The following LPP variants were observed in gnomAD, a reference collection of about 807,000 sequenced individuals.
LPP encodes lipoma-preferred partner.
LPP carries 38 observed loss-of-function variants against 60.4 expected under a neutral mutation model. The ratio of observed to expected loss-of-function variants is 0.63; its 90% CI spans 0.49 to 0.83. LPP has a LOEUF of 0.83. Among genes scored for constraint, LPP ranks in the 40% least tolerant of loss-of-function variants. The pLI is 0.00. For missense variants in LPP, 902 were observed against 783.6 expected, an observed-to-expected ratio of 1.15 and a Z score of -1.80; for synonymous variants, 328 against 290.8, an observed-to-expected ratio of 1.13 and a Z score of -1.30.
chr3:188,543,292 C>T (rs1197893848), intron 6 of LPP, among the ~76,000 whole-genome samples: 2 of 152,064 alleles, frequency 1.3e-5, no homozygotes, highest in Non-Finnish European at 2.9e-5. Flanking sequence ...CCTATTAGTG[C>T]ACAGTAAGAA....
At chr3:188,370,059 C>A (rs1176810117) in intron 3 of LPP, among the ~76,000 whole-genome samples, 1 of 152,154 alleles carries the variant, frequency 6.6e-6, no homozygotes, top group Non-Finnish European at 1.5e-5. Context: ...TCCCGAGTAG[C>A]TGGGATTACA....
intron 9 of LPP, among the ~76,000 whole-genome samples, chr3:188,825,028 T>C (rs1755013337): frequency 6.6e-6 from 1 of 152,164 alleles, no homozygotes; most frequent in Admixed American, 6.5e-5. Context: ...CTAGAAAACA[T>C]TTGCCCTTTC....
At chr3:188,622,828 T>C (rs973558254) in intron 7 of LPP, among the ~76,000 whole-genome samples, 13 of 151,932 alleles carry the variant, frequency 8.6e-5, no homozygotes, top group African/African-American at 2.9e-4. Context: ...AGGAGTTCGA[T>C]ACCAGCCTGA....
intron 2 of LPP, among the ~76,000 whole-genome samples, chr3:188,303,821 A>T (rs1750692468): frequency 6.6e-6 from 1 of 152,212 alleles, no homozygotes; most frequent in South Asian, 2.1e-4. Context: ...TTGGCCAATG[A>T]TAATTTACAA....
chr3:188,667,989 A>G (rs1856168385), intron 7 of LPP, among the ~76,000 whole-genome samples: 1 of 152,074 alleles, frequency 6.6e-6, no homozygotes, highest in Non-Finnish European at 1.5e-5. Flanking sequence ...GCACTTAAAC[A>G]ATATTTAGGA....
chr3:188,336,255 C>G (rs1761598035), intron 2 of LPP, among the ~76,000 whole-genome samples: 1 of 151,954 alleles, frequency 6.6e-6, no homozygotes, highest in South Asian at 2.1e-4. Context: ...AGTCTTATGC[C>G]CAGGATCTTG....
At chr3:188,714,053 C>T (rs555149207) in intron 8 of LPP, among the ~76,000 whole-genome samples, 3 of 152,204 alleles carry the variant, frequency 2.0e-5, no homozygotes, top group Admixed American at 2.0e-4. Context: ...GCAGACCTGG[C>T]GATGATGTCT....
Position 188,640,081 on chromosome 3 carries a change from C to T in LPP, c.1113+30237C>T, listed in dbSNP as rs1304125447. Among the ~76,000 whole-genome samples the T allele has an allele frequency of 1.5e-4, 22 of 151,586 alleles. No individual in the cohort carries two copies. In the East Asian group the frequency reaches 3.5e-3, roughly 24 times the overall value. The stretch of plus-strand genomic sequence containing the variant: ...GACACATGCACACGTATGTTTATTG[C>T]AGCATTATTCACAATAGCAAAGACT... On this transcript the variant is annotated intron_variant, in intron 7 of 11. Coordinates refer to ENST00000617246, the MANE Select transcript of LPP (RefSeq NM_001375462.1).
intron 2 of LPP, among the ~76,000 whole-genome samples, chr3:188,248,171 C>T (rs551928747): frequency 3.3e-5 from 5 of 151,978 alleles, no homozygotes; most frequent in South Asian, 2.1e-4. Flanking sequence ...CTGGATGAAC[C>T]GAAAATTCAC....
At chr3:188,549,465 T>C (rs1015260155) in intron 6 of LPP, among the ~76,000 whole-genome samples, 4 of 152,206 alleles carry the variant, frequency 2.6e-5, no homozygotes, top group African/African-American at 9.6e-5. Context: ...AAAAGGATGT[T>C]AGCATGACTG....
rs140396366 is a variant in LPP at position 188,384,515 on chromosome 3, G to T, written c.-9-21597G>T. Among the ~76,000 whole-genome samples the T allele has an allele frequency of 3.5e-3, 538 of 152,206 alleles. 9 individuals carry two copies. The highest frequency in any genetic ancestry group is 0.013 in the African/African-American group (524 of 41,514). On this transcript the variant is annotated intron_variant, in intron 3 of 11. Coordinates refer to ENST00000617246, the MANE Select transcript of LPP (RefSeq NM_001375462.1). Reference sequence around the variant, plus strand: ...CAGAAGAAAAAAATTCAGAAGGCTGGGCGCAGTGGCTCACGCCTGTAATCC... The same window carrying T: ...CAGAAGAAAAAAATTCAGAAGGCTGTGCGCAGTGGCTCACGCCTGTAATCC...
chr3:188,362,805 A>G (rs962348662), intron 3 of LPP, among the ~76,000 whole-genome samples: 3 of 152,230 alleles, frequency 2.0e-5, no homozygotes, highest in African/African-American at 7.2e-5. Context: ...CTGAGGATGC[A>G]GTGGAAACCA....
At chr3:188,414,084 G>A (rs950743886) in intron 4 of LPP, among the ~76,000 whole-genome samples, 1 of 152,018 alleles carries the variant, frequency 6.6e-6, no homozygotes, top group African/African-American at 2.4e-5. Context: ...ACAGAGACTA[G>A]TTCCTGCCCT....
chr3:188,269,802 C>T (rs1340328142), intron 2 of LPP, among the ~76,000 whole-genome samples: 1 of 151,994 alleles, frequency 6.6e-6, no homozygotes, highest in Non-Finnish European at 1.5e-5. Flanking sequence ...AGGCGCGTGC[C>T]ACCACGCCCT....
intron 5 of LPP, among the ~76,000 whole-genome samples, chr3:188,488,569 C>T (rs1240541838): frequency 6.6e-6 from 1 of 152,120 alleles, no homozygotes; most frequent in African/African-American, 2.4e-5. Context: ...AGCCTTAAAA[C>T]TTGGCATCAT....
At position 188,888,137 on chromosome 3, in the gene LPP, GTT is replaced by G. The variant is rs1259847430; in HGVS notation, c.*13661_*13662del. On this transcript the variant is annotated 3_prime_UTR_variant, in exon 12 of 12. Coordinates refer to ENST00000617246, the MANE Select transcript of LPP (RefSeq NM_001375462.1). ...GTTTTCTGTATAATAAACCACTTTT[GTT>G]TTGTTTGTTTTGTCTTTTAACCTAC... 1 of 219,530 alleles carries G rather than the reference GTT, an allele frequency of 4.6e-6. No homozygotes were observed. Among genetic ancestry groups the G allele is most frequent in the Non-Finnish European group, 9.1e-6 (1 of 109,344 alleles). The allele number at this position is 219,530 out of a possible 1,614,324, so 13.6% of individuals were successfully genotyped here.
intron 4 of LPP, among the ~76,000 whole-genome samples, chr3:188,417,995 T>A (rs12485444): frequency 0.43 from 64,820 of 152,100 alleles, 15,875 homozygotes; most frequent in Middle Eastern, 0.64. Flanking sequence ...GATTTTATTG[T>A]GAAATGTTCA....
intron 7 of LPP, among the ~76,000 whole-genome samples, chr3:188,700,460 A>G (rs16863545): frequency 0.029 from 4,417 of 152,266 alleles, 185 homozygotes; most frequent in African/African-American, 0.1. Context: ...AAGATGCAAG[A>G]TGGTGTGGTG....
chr3:188,275,431 C>T (rs1400624048), intron 2 of LPP, among the ~76,000 whole-genome samples: 1 of 152,170 alleles, frequency 6.6e-6, no homozygotes. Context: ...GTGATCATAG[C>T]TCATCTCAGC....
Sources: gnomAD v4.1 joint callset for allele counts (sites outside exome capture counted in the v4.1 genomes callset) on GRCh38, gnomAD v4.1.1 for gene constraint, MANE v1.5 for transcripts, NCBI Gene and HGNC (gene_info 2026-07-23, HGNC 2026-07-21) for gene names.